VAV2: variants seen among roughly 807,000 people sequenced by gnomAD.
VAV2 encodes vav guanine nucleotide exchange factor 2, also known as guanine nucleotide exchange factor VAV2.
A neutral mutation model predicts 132.5 loss-of-function variants in VAV2; 67 were observed. That is an observed-to-expected ratio of 0.51 (90% confidence interval 0.42 to 0.62). VAV2 has a LOEUF of 0.62. Among genes scored for constraint, VAV2 ranks in the 20% least tolerant of loss-of-function variants. The pLI, the probability that VAV2 is intolerant of heterozygous loss-of-function variation, is 0.00. For synonymous variants in VAV2, 492 were observed against 443.5 expected (o/e 1.11, Z -1.37); for missense variants, 938 against 1,153.6 (o/e 0.81, Z 2.71).
chr9:133,787,946 G>A (rs1260312855), intron 15 of VAV2, among the ~76,000 whole-genome samples: 1 of 152,218 alleles, frequency 6.6e-6, no homozygotes, highest in African/African-American at 2.4e-5. Context: ...AGCACCGCAG[G>A]GTGGGACGGG....
chr9:133,896,986 C>G (rs1368586591), intron 2 of VAV2, among the ~76,000 whole-genome samples: 3 of 151,838 alleles, frequency 2.0e-5, no homozygotes, highest in Non-Finnish European at 2.9e-5. Context: ...CCCAGCTACT[C>G]GGGAGGCTGA....
In VAV2 at chr9:133,784,592, C is replaced by T. The variant is rs554316038; in HGVS notation, c.1533-174G>A. Among the ~76,000 whole-genome samples, 5 of 152,320 alleles carry T rather than the reference C, an allele frequency of 3.3e-5. No homozygotes were observed. In the East Asian group the frequency reaches 9.6e-4, roughly 29 times the overall value. On this transcript the variant is annotated intron_variant, in intron 17 of 29. Coordinates refer to ENST00000371850, the MANE Select transcript of VAV2 (RefSeq NM_001134398.2). ...TGGGGCAGACTCAGGGCCCAGACTC[C>T]CTGCTCGTAGAAGGCAGGTCAGAGA...
chr9:133,943,080 C>T (rs1429224936), intron 1 of VAV2, among the ~76,000 whole-genome samples: 1 of 152,252 alleles, frequency 6.6e-6, no homozygotes, highest in African/African-American at 2.4e-5. Context: ...AGGGCGGCAG[C>T]GCCAAGAATG....
chr9:133,901,570 G>C (rs189575409), intron 2 of VAV2, among the ~76,000 whole-genome samples: 46 of 152,362 alleles, frequency 3.0e-4, no homozygotes, highest in Admixed American at 2.7e-3. Context: ...TACCTTGCCA[G>C]AGAGCCCACA....
At chr9:133,871,486 A>AAG in intron 2 of VAV2, among the ~76,000 whole-genome samples, 1 of 128,666 alleles carries the variant, frequency 7.8e-6, no homozygotes, top group African/African-American at 4.2e-5. Context: ...GGATGGATGG[A>AAG]TGGATGGATG....
At chr9:133,930,708 A>G (rs1322823668) in intron 2 of VAV2, among the ~76,000 whole-genome samples, 1 of 152,212 alleles carries the variant, frequency 6.6e-6, no homozygotes, top group Admixed American at 6.5e-5. Flanking sequence ...AGGTCCCTGC[A>G]GGGTGCAGGT....
chr9:133,833,014 C>T lies in VAV2; in HGVS notation c.449+1258G>A, dbSNP rs1054979557. Among the ~76,000 whole-genome samples the T allele has an allele frequency of 2.0e-5, 3 of 152,118 alleles. No homozygotes were observed. The highest frequency in any genetic ancestry group is 2.9e-5 in the Non-Finnish European group (2 of 68,020). ...ACCCTCAGACCCACGTGGGGCCGACCGGATGTCCAGAGGAGCTCTGGGAGT... is the reference window on the plus strand; with the variant it reads ...ACCCTCAGACCCACGTGGGGCCGACTGGATGTCCAGAGGAGCTCTGGGAGT... On this transcript the variant is annotated intron_variant, in intron 4 of 29. Coordinates refer to ENST00000371850, the MANE Select transcript of VAV2 (RefSeq NM_001134398.2). The surrounding 1 kb of genome is among the most constrained non-coding windows in gnomAD (Gnocchi z 5.6).
chr9:133,853,161 A>G (rs1837252677), intron 3 of VAV2, among the ~76,000 whole-genome samples: 1 of 152,214 alleles, frequency 6.6e-6, no homozygotes, highest in Admixed American at 6.5e-5. Flanking sequence ...CCGTGGGGCC[A>G]GGTGCACACT....
chr9:133,860,595 G>A (rs1000586910), intron 3 of VAV2, among the ~76,000 whole-genome samples: 5 of 152,224 alleles, frequency 3.3e-5, no homozygotes, highest in African/African-American at 1.2e-4. Flanking sequence ...CCCTCATGAT[G>A]TCACCTGTGC....
At position 133,822,338 on chromosome 9, in the gene VAV2, GATGTTTCC is replaced by G. The variant is rs1835823538; in HGVS notation, c.450-10130_450-10123del. Among the ~76,000 whole-genome samples, 5 of 152,232 alleles carry G rather than the reference GATGTTTCC, an allele frequency of 3.3e-5. No homozygotes were observed. The South Asian group carries it at 1.0e-3, about 32-fold the overall frequency. On this transcript the variant is annotated intron_variant, in intron 4 of 29. Transcript: ENST00000371850. ...AGTGTGTTACTAGGAAACCGAGTCG[GATGTTTCC>G]TGACCTCCGTCCACACCTCAGGGTG...
At position 133,804,513 on chromosome 9, in the gene VAV2, G is replaced by A. The variant is rs1835059531; in HGVS notation, c.836+1568C>T. Among the ~76,000 whole-genome samples, 1 of 152,222 alleles carries A rather than the reference G, an allele frequency of 6.6e-6. No individual in the cohort carries two copies. The highest frequency in any genetic ancestry group is 1.5e-5 in the Non-Finnish European group (1 of 68,036). On this transcript the variant is annotated intron_variant, in intron 9 of 29. Transcript: ENST00000371850. This position sits in a 1 kb window ranked among gnomAD's most constrained non-coding sequence, Gnocchi z 4.5. ...GCCGGGCAGCCTGACTGTGGAGGGA[G>A]GCTCCTGGGAGAGGACAGGTTATCC...
rs577939518 is a variant in VAV2 at position 133,991,865 on chromosome 9, G to A, written c.204+210C>T. Among the ~76,000 whole-genome samples the A allele has an allele frequency of 5.3e-5, 8 of 151,026 alleles. No individual in the cohort carries two copies. Among genetic ancestry groups the A allele is most frequent in the Non-Finnish European group, 1.2e-4 (8 of 67,678 alleles). On this transcript the variant is annotated intron_variant, in intron 1 of 29. Coordinates refer to ENST00000371850, the MANE Select transcript of VAV2 (RefSeq NM_001134398.2). This position sits in a 1 kb window ranked among gnomAD's most constrained non-coding sequence, Gnocchi z 4.8. ...CCGCGGGCGGCGGCGGCGCGACCCA[G>A]GCTGAGGGGACTTTGGCCAACTTCG...
intron 2 of VAV2, among the ~76,000 whole-genome samples, chr9:133,933,935 G>GAT (rs1840799947): frequency 3.0e-5 from 2 of 66,588 alleles, no homozygotes; most frequent in Non-Finnish European, 7.4e-5. Flanking sequence ...GTGAATGGAT[G>GAT]GATGGATGGA....
intron 3 of VAV2, among the ~76,000 whole-genome samples, chr9:133,844,177 T>C (rs1453126732): frequency 6.6e-6 from 1 of 152,216 alleles, no homozygotes; most frequent in Non-Finnish European, 1.5e-5. Context: ...CTGGCGTGGC[T>C]GCTGATTACA....
intron 11 of VAV2, among the ~76,000 whole-genome samples, 199 bp downstream of exon 11, chr9:133,796,230 A>G (rs761360467): frequency 3.3e-5 from 5 of 152,164 alleles, no homozygotes; most frequent in Non-Finnish European, 7.4e-5. Context: ...GATTGGACTC[A>G]TCATTTTCCT....
At chr9:133,898,286 T>C (rs763874276) in intron 2 of VAV2, among the ~76,000 whole-genome samples, 1 of 152,056 alleles carries the variant, frequency 6.6e-6, no homozygotes, top group Non-Finnish European at 1.5e-5. Flanking sequence ...CGCCAGACCC[T>C]CAACAGAAAG....
chr9:133,898,784 C>T (rs1444643992), intron 2 of VAV2, among the ~76,000 whole-genome samples: 2 of 149,864 alleles, frequency 1.3e-5, no homozygotes, highest in East Asian at 2.0e-4. Flanking sequence ...CACCACAGGC[C>T]GTGTCGGATC....
intron 1 of VAV2, among the ~76,000 whole-genome samples, chr9:133,962,631 C>G (rs1350542337): frequency 1.3e-5 from 2 of 152,208 alleles, no homozygotes; most frequent in East Asian, 1.9e-4. Flanking sequence ...CCCCACCCCC[C>G]ACAAAGCTCC....
Position 133,879,630 on chromosome 9 carries a change from A to G in VAV2, c.322-18198T>C, listed in dbSNP as rs929866001. 1.3e-5 allele frequency among the ~76,000 whole-genome samples: 2 copies of G among 152,042 alleles called. No homozygotes were observed. The highest frequency in any genetic ancestry group is 3.2e-3 in the Middle Eastern group (1 of 316). On this transcript the variant is annotated intron_variant, in intron 2 of 29. Transcript: ENST00000371850. The surrounding 1 kb of genome is among the most constrained non-coding windows in gnomAD (Gnocchi z 4.4). ...TGAGTCCTCTGCCAAATGCAAATCTAAGCAACAAGCCGCACACACCAGGAC... is the reference window on the plus strand; with the variant it reads ...TGAGTCCTCTGCCAAATGCAAATCTGAGCAACAAGCCGCACACACCAGGAC...
Sources: gnomAD v4.1 joint callset for allele counts (sites outside exome capture counted in the v4.1 genomes callset) on GRCh38, gnomAD v4.1.1 for gene constraint, Gnocchi (gnomAD v3.1) non-coding constraint, MANE v1.5 for transcripts, NCBI Gene and HGNC (gene_info 2026-07-23, HGNC 2026-07-21) for gene names.